The following RALGPS2 variants were observed in gnomAD, a reference collection of about 807,000 sequenced individuals.
The protein encoded by RALGPS2 is Ral GEF with PH domain and SH3 binding motif 2, also known as ras-specific guanine nucleotide-releasing factor RalGPS2.
RALGPS2 carries 43 observed loss-of-function variants against 86.8 expected under a neutral mutation model. That is an observed-to-expected ratio of 0.50 (90% CI 0.39 to 0.64). RALGPS2 has a LOEUF of 0.64. Ranked by LOEUF, RALGPS2 falls within the 30% of genes least tolerant of loss-of-function variation. RALGPS2 has a pLI of 0.00. For synonymous variants in RALGPS2, 243 were observed against 231.3 expected (o/e 1.05, Z -0.46); for missense variants, 536 against 694.6 (o/e 0.77, Z 2.57).
intron 1 of RALGPS2, among the ~76,000 whole-genome samples, chr1:178,760,614 G>C (rs952822109): frequency 1.3e-5 from 2 of 152,102 alleles, no homozygotes; most frequent in African/African-American, 4.8e-5. Flanking sequence ...GATGGGTCTT[G>C]TTTTTCTTAT....
chr1:178,822,429 C>T (rs1447818500), intron 7 of RALGPS2, among the ~76,000 whole-genome samples: 3 of 152,022 alleles, frequency 2.0e-5, no homozygotes, highest in South Asian at 2.1e-4. Flanking sequence ...TGTTTAGAAT[C>T]GATTACATTT....
At chr1:178,877,365 G>A (rs1659048335) in intron 8 of RALGPS2, 133 bp from the exon 9 acceptor site, 1 of 1,343,478 alleles carries the variant, frequency 7.4e-7, no homozygotes, top group African/African-American at 1.5e-5. Context: ...AGGCTTCAGT[G>A]TATTAATAGC....
At chr1:178,911,040 G>A (rs1660603291) in intron 19 of RALGPS2, among the ~76,000 whole-genome samples, 2 of 152,124 alleles carry the variant, frequency 1.3e-5, no homozygotes, top group Admixed American at 1.3e-4. Flanking sequence ...TTTCTAGTTT[G>A]TGTGCATATA....
chr1:178,799,149 C>T (rs1326136635), intron 4 of RALGPS2, among the ~76,000 whole-genome samples: 4 of 152,160 alleles, frequency 2.6e-5, no homozygotes, highest in African/African-American at 9.7e-5. Flanking sequence ...AAGTGATTCT[C>T]CTGCCTCAGA....
chr1:178,914,346 C>G (rs1213391685), intron 19 of RALGPS2, among the ~76,000 whole-genome samples: 2 of 152,138 alleles, frequency 1.3e-5, no homozygotes, highest in African/African-American at 4.8e-5. Flanking sequence ...ACTATGGGAT[C>G]TCCTGCCACT....
intron 13 of RALGPS2, among the ~76,000 whole-genome samples, chr1:178,886,465 A>G (rs771478791): frequency 9.2e-5 from 14 of 152,192 alleles, no homozygotes; most frequent in Non-Finnish European, 1.9e-4. Flanking sequence ...TGATGATGCT[A>G]TTACCAAGGT....
At chr1:178,768,115 T>G (rs1012809042) in intron 1 of RALGPS2, among the ~76,000 whole-genome samples, 2 of 152,240 alleles carry the variant, frequency 1.3e-5, no homozygotes, top group African/African-American at 4.8e-5. Flanking sequence ...GTGTTGATAT[T>G]CGACCTTGTC....
At chr1:178,817,295 A>G (rs2102215833) in intron 6 of RALGPS2, among the ~76,000 whole-genome samples, 1 of 148,138 alleles carries the variant, frequency 6.8e-6, no homozygotes, top group African/African-American at 2.5e-5. Flanking sequence ...TGGTGAGCTA[A>G]GATCACGCCA....
chr1:178,743,696 A>C (rs6425499), intron 1 of RALGPS2, among the ~76,000 whole-genome samples: 2,594 of 152,322 alleles, frequency 0.017, 71 homozygotes, highest in African/African-American at 0.058. Context: ...ATATAAAAGG[A>C]TAACAGGAAT....
At chr1:178,869,911 T>C (rs1159883009) in intron 8 of RALGPS2, among the ~76,000 whole-genome samples, 1 of 152,126 alleles carries the variant, frequency 6.6e-6, no homozygotes, top group Non-Finnish European at 1.5e-5. Flanking sequence ...AAACCTCTTA[T>C]GTGTGCTTAA....
intron 19 of RALGPS2, among the ~76,000 whole-genome samples, chr1:178,909,863 A>G (rs1572475709): frequency 1.3e-5 from 2 of 151,734 alleles, no homozygotes; most frequent in Admixed American, 6.6e-5. Context: ...GTTAGCCAGG[A>G]TGGTCTCGAT....
At chr1:178,735,725 A>T (rs1363342746) in intron 1 of RALGPS2, among the ~76,000 whole-genome samples, 1 of 150,834 alleles carries the variant, frequency 6.6e-6, no homozygotes, top group Non-Finnish European at 1.5e-5. Flanking sequence ...ATATTTGTAC[A>T]TGTATCTCAA....
At chr1:178,776,117 A>G (rs1004868989) in intron 1 of RALGPS2, among the ~76,000 whole-genome samples, 1 of 152,210 alleles carries the variant, frequency 6.6e-6, no homozygotes, top group African/African-American at 2.4e-5. Flanking sequence ...GCACCATTAT[A>G]TAAGGGCCTT....
intron 7 of RALGPS2, among the ~76,000 whole-genome samples, chr1:178,830,811 G>A (rs540430098): frequency 1.3e-5 from 2 of 152,276 alleles, no homozygotes; most frequent in Admixed American, 6.5e-5. Flanking sequence ...AAAAGAGGAT[G>A]CAGTGGGCGG....
Position 178,918,596 on chromosome 1 carries a change from T to A in RALGPS2, c.*2237T>A, listed in dbSNP as rs1349094004. On this transcript the variant is annotated 3_prime_UTR_variant, in exon 20 of 20. Transcript: ENST00000367635. ...GCGTAGAGTAAGATAGCGTTCAAAT[T>A]TGGTTAATAGTTTATAGATAGACTT... 8.5e-5 allele frequency: 13 copies of A among 152,116 alleles called. No individual in the cohort carries two copies. The highest frequency in any genetic ancestry group is 5.9e-4 in the Admixed American group (9 of 15,276). The allele number at this position is 152,116 out of a possible 1,614,324, so 9.4% of individuals were successfully genotyped here.
chr1:178,784,347 G>T, intron 2 of RALGPS2, 71 bp from the exon 3 acceptor site: 1 of 1,202,760 alleles, frequency 8.3e-7, no homozygotes, highest in East Asian at 2.5e-5. Context: ...CAGTTTTTAA[G>T]GCCAATCTAG....
At chr1:178,897,848 G>T in intron 17 of RALGPS2, 92 bp downstream of exon 17, 1 of 1,034,628 alleles carries the variant, frequency 9.7e-7, no homozygotes, top group South Asian at 1.7e-5. Context: ...AAGGTTTTTT[G>T]GGTTTGCCTT....
chr1:178,776,860 C>G, intron 2 of RALGPS2, 39 bp downstream of exon 2: 1 of 1,542,210 alleles, frequency 6.5e-7, no homozygotes, highest in Non-Finnish European at 8.9e-7. Context: ...AGTTTCTTAC[C>G]TGGCTTTCTA....
chr1:178,838,691 A>C (rs1447299948), intron 8 of RALGPS2, among the ~76,000 whole-genome samples: 2 of 152,214 alleles, frequency 1.3e-5, no homozygotes, highest in Non-Finnish European at 2.9e-5. Context: ...TGAGAGAAGA[A>C]GGCTTCAGAT....
Sources: allele counts gnomAD v4.1 joint callset (sites outside exome capture counted in the v4.1 genomes callset), GRCh38; gene constraint gnomAD v4.1.1; transcripts MANE v1.5; gene names NCBI Gene and HGNC (gene_info 2026-07-23, HGNC 2026-07-21).